DISC1: variants seen among roughly 807,000 people sequenced by gnomAD.
DISC1 encodes the protein disrupted in schizophrenia 1 protein.
Under a neutral mutation model 84.5 loss-of-function variants are expected in DISC1, and 57 were observed. The observed-to-expected ratio is 0.67, with a 90% CI of 0.55 to 0.84. DISC1 has a LOEUF of 0.84. DISC1 is among the 40% of genes least tolerant of loss of function. DISC1 has a pLI of 0.00. For missense variants in DISC1, 1,000 were observed against 1,057.8 expected (o/e 0.95, Z 0.76); for synonymous variants, 411 against 415.2 (o/e 0.99, Z 0.12).
At chr1:231,710,791 A>G (rs1161416236) in intron 3 of DISC1, among the ~76,000 whole-genome samples, 2 of 152,168 alleles carry the variant, frequency 1.3e-5, no homozygotes, top group Admixed American at 6.5e-5. Context: ...TTGAAACTGA[A>G]TGGACCTCTT....
At chr1:231,681,355 CATAG>C (rs553843063) in intron 1 of DISC1, among the ~76,000 whole-genome samples, 188 of 152,070 alleles carry the variant, frequency 1.2e-3, no homozygotes, top group African/African-American at 4.3e-3. Context: ...CAGTGGAGAA[CATAG>C]ATAGAGTGTC....
intron 9 of DISC1, among the ~76,000 whole-genome samples, chr1:231,924,013 T>C (rs1423889472): frequency 6.6e-6 from 1 of 152,232 alleles, no homozygotes; most frequent in Non-Finnish European, 1.5e-5. Context: ...TTCCTTTACT[T>C]GTTCTCTTCT....
At chr1:231,775,921 G>T (rs964129527) in intron 6 of DISC1, among the ~76,000 whole-genome samples, 2 of 152,090 alleles carry the variant, frequency 1.3e-5, no homozygotes. Flanking sequence ...ATTGTGATGT[G>T]GGGGTGGGGG....
At chr1:231,789,851 G>C (rs2078184579) in intron 6 of DISC1, among the ~76,000 whole-genome samples, 1 of 151,988 alleles carries the variant, frequency 6.6e-6, no homozygotes, top group African/African-American at 2.4e-5. Context: ...CATTCTGTTT[G>C]TGATATTGCA....
intron 5 of DISC1, among the ~76,000 whole-genome samples, chr1:231,769,085 G>C (rs2076369370): frequency 6.6e-6 from 1 of 152,224 alleles, no homozygotes; most frequent in Non-Finnish European, 1.5e-5. Context: ...ACTTTTCTCA[G>C]ATTGCAACAG....
rs931612436 is a variant in DISC1 at position 232,038,483 on chromosome 1, A to G, written c.*1652A>G. 1.3e-5 allele frequency: 2 copies of G among 152,136 alleles called. No homozygotes were observed. The highest frequency in any genetic ancestry group is 1.9e-4 in the East Asian group (1 of 5,184). The allele number at this position is 152,136 out of a possible 1,614,324, so 9.4% of individuals were successfully genotyped here. ...CATAATATCTGCTTGGAGAACCACA[A>G]TGCACATTAGCATATTAGTCTGAGA... On this transcript the variant is annotated 3_prime_UTR_variant, in exon 13 of 13. Coordinates refer to ENST00000439617, the MANE Select transcript of DISC1 (RefSeq NM_018662.3).
rs1034003306 is a variant in DISC1, at chr1:231,897,304, A to G, written c.1982-61524A>G. 3.9e-5 allele frequency among the ~76,000 whole-genome samples: 6 copies of G among 152,208 alleles called. No individual in the cohort carries two copies. Among genetic ancestry groups the G allele is most frequent in the Non-Finnish European group, 8.8e-5 (6 of 68,030 alleles). ...GGTCTTGAATTAATAGTCAAACCTG[A>G]TATAGCTTCTTTGTCACTGTGTCTT... On this transcript the variant is annotated intron_variant, in intron 9 of 12. Transcript: ENST00000439617. The surrounding 1 kb of genome is among the most constrained non-coding windows in gnomAD (Gnocchi z 4.5).
At position 231,694,472 on chromosome 1, in the gene DISC1, T is replaced by C; in HGVS notation, c.714T>C (p.His238=). 6.2e-7 allele frequency: 1 copy of C among 1,614,272 alleles called. No individual in the cohort carries two copies. Among genetic ancestry groups the C allele is most frequent in the South Asian group, 1.1e-5 (1 of 91,088 alleles). The change falls in exon 2 of 13, where the codon CAT becomes CAC. Residue 238 remains histidine, a synonymous_variant. Transcript: ENST00000439617. The part of the protein sequence containing the change: ...GCPPSREAES[H]CQSPQEMGAK... ...CACCATCCAGAGAGGCTGAGTCCCA[T>C]TGCCAGAGCCCCCAGGAGATGGGAG... is the stretch of plus-strand genomic sequence containing the variant.
At chr1:231,649,276 C>A (rs551009400) in intron 1 of DISC1, among the ~76,000 whole-genome samples, 1 of 152,166 alleles carries the variant, frequency 6.6e-6, no homozygotes, top group Non-Finnish European at 1.5e-5. Flanking sequence ...GCATTAGTTT[C>A]GAAGAACACC....
intron 3 of DISC1, chr1:231,722,482 T>G (rs2125111387): frequency 6.2e-7 from 1 of 1,612,534 alleles, no homozygotes; most frequent in East Asian, 2.2e-5. Flanking sequence ...TTAGTCCCAG[T>G]CAAGGATGTT....
chr1:231,631,276 T>C (rs1300151648), intron 1 of DISC1, among the ~76,000 whole-genome samples: 1 of 152,246 alleles, frequency 6.6e-6, no homozygotes, highest in Non-Finnish European at 1.5e-5. Flanking sequence ...TAATGACGTT[T>C]TGTCAATGTC....
intron 8 of DISC1, among the ~76,000 whole-genome samples, chr1:231,802,997 C>T (rs1226309762): frequency 6.6e-6 from 1 of 152,142 alleles, no homozygotes; most frequent in Non-Finnish European, 1.5e-5. Context: ...AATCTATTTT[C>T]ATTATCTACT....
Position 231,889,775 on chromosome 1 carries a change from TTCTC to T in DISC1, c.1982-69037_1982-69034del, listed in dbSNP as rs146471841. 3.1e-4 allele frequency among the ~76,000 whole-genome samples: 46 copies of T among 149,732 alleles called. 2 individuals are homozygous for T. In the South Asian group the frequency reaches 5.1e-3, roughly 17 times the overall value. On this transcript the variant is annotated intron_variant, in intron 9 of 12. Transcript: ENST00000439617. ...TTCATCTTCTCATCTACTGCCCTTA[TTCTC>T]TCTCTCTCTCTCTCTGTAAAACATG...
intron 1 of DISC1, among the ~76,000 whole-genome samples, chr1:231,643,282 C>G (rs2059875338): frequency 6.6e-6 from 1 of 152,116 alleles, no homozygotes; most frequent in African/African-American, 2.4e-5. Flanking sequence ...TTCAGATATT[C>G]CTATTCAGTT....
intron 9 of DISC1, among the ~76,000 whole-genome samples, chr1:231,824,619 C>G (rs2081726206): frequency 6.6e-6 from 1 of 152,130 alleles, no homozygotes; most frequent in Non-Finnish European, 1.5e-5. Context: ...AACTTTCTCC[C>G]TCCTTTATTA....
At chr1:231,890,327 C>A (rs2126002956) in intron 9 of DISC1, among the ~76,000 whole-genome samples, 1 of 152,252 alleles carries the variant, frequency 6.6e-6, no homozygotes, top group South Asian at 2.1e-4. Flanking sequence ...CCTATGAAAT[C>A]ATATACTGAG....
chr1:231,807,872 C>T (rs2079872975), intron 8 of DISC1, among the ~76,000 whole-genome samples: 2 of 152,188 alleles, frequency 1.3e-5, no homozygotes, highest in South Asian at 4.1e-4. Context: ...GTGAAAAAAA[C>T]TTTTAAAAGA....
chr1:231,686,155 A>G (rs2064245431), intron 1 of DISC1, among the ~76,000 whole-genome samples: 1 of 152,150 alleles, frequency 6.6e-6, no homozygotes, highest in South Asian at 2.1e-4. Context: ...GGATAGTGCA[A>G]GCTGTAGGTG....
At chr1:232,011,966 A>G (rs553979327) in intron 11 of DISC1, among the ~76,000 whole-genome samples, 4 of 152,236 alleles carry the variant, frequency 2.6e-5, no homozygotes, top group East Asian at 3.9e-4. Context: ...GTTAAGAAAA[A>G]CACCACCACG....
Sources: gnomAD v4.1 joint callset for allele counts (sites outside exome capture counted in the v4.1 genomes callset) on GRCh38, gnomAD v4.1.1 for gene constraint, Gnocchi (gnomAD v3.1) non-coding constraint, MANE v1.5 for transcripts, NCBI Gene and HGNC (gene_info 2026-07-23, HGNC 2026-07-21) for gene names.